Variants in KCNQ1OT1 observed in about 807,000 individuals in gnomAD.
KCNQ1OT1 encodes the protein KCNQ1 antisense RNA 2 (non-protein coding).
exon 1 of KCNQ1OT1, chr11:2,638,552 T>C (rs1849517413): frequency 6.6e-6 from 1 of 152,230 alleles, no homozygotes; most frequent in South Asian, 2.1e-4. Context: ...CCGCCGTTAG[T>C]CTGATGGGTT....
At position 2,661,645 on chromosome 11, in the gene KCNQ1OT1, T is replaced by A. The variant is rs1042222285; in HGVS notation, n.38350A>T. On this transcript the variant is annotated non_coding_transcript_exon_variant, in exon 1 of 1. Coordinates refer to ENST00000597346, the Ensembl canonical transcript of KCNQ1OT1. The surrounding 1 kb of genome is among the most constrained non-coding windows in gnomAD (Gnocchi z 5.9). ...TTTTATTCTTGACCCAAGTGTCAGTTGTGAACATGGGAAGAGGCCCAGAAC... is the reference window on the plus strand; with the variant it reads ...TTTTATTCTTGACCCAAGTGTCAGTAGTGAACATGGGAAGAGGCCCAGAAC... 5 of 594,820 alleles carry A rather than the reference T, an allele frequency of 8.4e-6. No homozygotes were observed. Among genetic ancestry groups the A allele is most frequent in the Admixed American group, 3.0e-5 (1 of 33,820 alleles). 36.8% of individuals were successfully genotyped at this position (594,820 alleles called of 1,614,324 possible).
Position 2,659,613 on chromosome 11 carries a change from G to A in KCNQ1OT1, n.40382C>T. On this transcript the variant is annotated non_coding_transcript_exon_variant, in exon 1 of 1. Transcript: ENST00000597346. The surrounding 1 kb of genome is among the most constrained non-coding windows in gnomAD (Gnocchi z 4.3). ...ACATAAAAATTCAATTCACTTGGGT[G>A]GGAAAGGAACCGATAGGTCATGTGG... 1 of 398,464 alleles carries A rather than the reference G, an allele frequency of 2.5e-6. No individual in the cohort carries two copies. The highest frequency in any genetic ancestry group is 1.3e-4 in the South Asian group (1 of 7,844). The allele number at this position is 398,464 out of a possible 1,614,324, so 24.7% of individuals were successfully genotyped here.
Position 2,668,274 on chromosome 11 carries a change from T to C in KCNQ1OT1, n.31721A>G, listed in dbSNP as rs927999567. 9 of 398,582 alleles carry C rather than the reference T, an allele frequency of 2.3e-5. No homozygotes were observed. Among genetic ancestry groups the C allele is most frequent in the Non-Finnish European group, 4.0e-5 (9 of 226,116 alleles). The allele number at this position is 398,582 out of a possible 1,614,324, so 24.7% of individuals were successfully genotyped here. ...TAGGTTGCTGTTTAAGAATATTCTG[T>C]ACATGCTTTTGGTGAGCATCAGGTT... On this transcript the variant is annotated non_coding_transcript_exon_variant, in exon 1 of 1. Transcript: ENST00000597346. This position sits in a 1 kb window ranked among gnomAD's most constrained non-coding sequence, Gnocchi z 4.3.
rs551338072 is a variant in KCNQ1OT1, at chr11:2,645,046, G to A, written n.54949C>T. ...TTTGGGCCTCCAGGCAACTTGCTCA[G>A]GTGCCAATGATGACAGAGCTGGGCC... is the stretch of plus-strand genomic sequence containing the variant. On this transcript the variant is annotated non_coding_transcript_exon_variant, in exon 1 of 1. Transcript: ENST00000597346. The surrounding 1 kb of genome is among the most constrained non-coding windows in gnomAD (Gnocchi z 5.8). 1 of 398,818 alleles carries A rather than the reference G, an allele frequency of 2.5e-6. No individual in the cohort carries two copies. The highest frequency in any genetic ancestry group is 4.4e-5 in the Admixed American group (1 of 22,746). 24.7% of individuals were successfully genotyped at this position (398,818 alleles called of 1,614,324 possible).
chr11:2,618,470 A>T (rs994107872), exon 1 of KCNQ1OT1: 1 of 398,410 alleles, frequency 2.5e-6, no homozygotes, highest in Admixed American at 4.4e-5. Flanking sequence ...ATCTTTCTGC[A>T]TTGTTTTCTT....
At chr11:2,622,001 C>T (rs1033434392) in exon 1 of KCNQ1OT1, 2 of 398,244 alleles carry the variant, frequency 5.0e-6, no homozygotes, top group East Asian at 7.1e-5. Flanking sequence ...GTAGGCAAGG[C>T]ATTTATTGCT....
Position 2,677,873 on chromosome 11 carries a change from TG to T in KCNQ1OT1, n.22121del, listed in dbSNP as rs1850321486. 1 of 398,422 alleles carries T rather than the reference TG, an allele frequency of 2.5e-6. No homozygotes were observed. 24.7% of individuals were successfully genotyped at this position (398,422 alleles called of 1,614,324 possible). A position where few individuals can be genotyped will look rare whatever the true frequency, so the allele number is the denominator to read the frequency against. ...ATTTACATCACTTTGACTGCACAAA[TG>T]CACTTTCTTCCCCCACCCTTACCAA... On this transcript the variant is annotated non_coding_transcript_exon_variant, in exon 1 of 1. Transcript: ENST00000597346. This position sits in a 1 kb window ranked among gnomAD's most constrained non-coding sequence, Gnocchi z 4.5.
exon 1 of KCNQ1OT1, chr11:2,686,125 G>T (rs976444965): frequency 1.0e-5 from 4 of 398,680 alleles, no homozygotes; most frequent in Non-Finnish European, 1.8e-5. Context: ...CCTTTGCCCT[G>T]TCTCGCCCCC....
At chr11:2,615,877 A>G (rs1300392967) in exon 1 of KCNQ1OT1, 3 of 398,046 alleles carry the variant, frequency 7.5e-6, no homozygotes, top group Non-Finnish European at 8.9e-6. Flanking sequence ...TACTGGCCTC[A>G]TAGAATGTAT....
exon 1 of KCNQ1OT1, chr11:2,648,123 T>C (rs1849695383): frequency 2.6e-6 from 1 of 383,636 alleles, no homozygotes; most frequent in Admixed American, 5.3e-5. Context: ...GAGGATTGCT[T>C]GAGCCCAGGA....
Position 2,617,341 on chromosome 11 carries a change from T to C in KCNQ1OT1, n.82654A>G, listed in dbSNP as rs2133799021. The C allele has an allele frequency of 2.5e-6, 1 of 398,452 alleles. No individual in the cohort carries two copies. Among genetic ancestry groups the C allele is most frequent in the East Asian group, 3.6e-5 (1 of 28,064 alleles). The allele number at this position is 398,452 out of a possible 1,614,324, so 24.7% of individuals were successfully genotyped here. ...GAGATTATTTAAAACTTTTCATTTGTATATGGCTTATTTAACTTAGCACAA... is the reference window on the plus strand; with the variant it reads ...GAGATTATTTAAAACTTTTCATTTGCATATGGCTTATTTAACTTAGCACAA... On this transcript the variant is annotated non_coding_transcript_exon_variant, in exon 1 of 1. Transcript: ENST00000597346. This position sits in a 1 kb window ranked among gnomAD's most constrained non-coding sequence, Gnocchi z 4.6.
chr11:2,667,272 G>A, exon 1 of KCNQ1OT1: 1 of 398,610 alleles, frequency 2.5e-6, no homozygotes, highest in Admixed American at 4.4e-5. Flanking sequence ...GCTGGCCTAG[G>A]GCTGCTGCTA....
exon 1 of KCNQ1OT1, chr11:2,648,242 G>T (rs1027110396): frequency 5.0e-6 from 2 of 398,522 alleles, no homozygotes; most frequent in Non-Finnish European, 8.8e-6. Context: ...TTGATCTTTT[G>T]TCTTTTTTAC....
At chr11:2,680,634 C>T in exon 1 of KCNQ1OT1, 1 of 398,526 alleles carries the variant, frequency 2.5e-6, no homozygotes, top group African/African-American at 2.1e-5. Context: ...ATATTCTGAC[C>T]AGGATATTGC....
chr11:2,609,105 G>C, exon 1 of KCNQ1OT1: 1 of 397,970 alleles, frequency 2.5e-6, no homozygotes, highest in Non-Finnish European at 4.4e-6. Flanking sequence ...CTAGTTTCTT[G>C]AGGTGGAGAG....
In KCNQ1OT1 at chr11:2,626,896, G is replaced by A. The variant is rs988724284; in HGVS notation, n.73099C>T. On this transcript the variant is annotated non_coding_transcript_exon_variant, in exon 1 of 1. Transcript: ENST00000597346. The surrounding 1 kb of genome is among the most constrained non-coding windows in gnomAD (Gnocchi z 4.0). ...GTTCATCATTTTCAAGAATGTTTTAGCTATTCAAGGTCCCTTGAGATTCCA... is the reference window on the plus strand; with the variant it reads ...GTTCATCATTTTCAAGAATGTTTTAACTATTCAAGGTCCCTTGAGATTCCA... The A allele has an allele frequency of 1.8e-5, 7 of 398,398 alleles. No individual in the cohort carries two copies. The highest frequency in any genetic ancestry group is 2.2e-5 in the Non-Finnish European group (5 of 226,046). The allele number at this position is 398,398 out of a possible 1,614,324, so 24.7% of individuals were successfully genotyped here. A position where few individuals can be genotyped will look rare whatever the true frequency, so the allele number is the denominator to read the frequency against.
chr11:2,628,537 T>C (rs1164363201), exon 1 of KCNQ1OT1: 2 of 398,362 alleles, frequency 5.0e-6, no homozygotes, highest in African/African-American at 4.1e-5. Flanking sequence ...ATATATTGGA[T>C]ATTAATAGCT....
rs1850406522 is a variant in KCNQ1OT1, at chr11:2,682,034, C to T, written n.17961G>A. 2.5e-6 allele frequency: 1 copy of T among 398,618 alleles called. No homozygotes were observed. The highest frequency in any genetic ancestry group is 2.1e-5 in the African/African-American group (1 of 48,738). 24.7% of individuals were successfully genotyped at this position (398,618 alleles called of 1,614,324 possible). On this transcript the variant is annotated non_coding_transcript_exon_variant, in exon 1 of 1. Transcript: ENST00000597346. The surrounding 1 kb of genome is among the most constrained non-coding windows in gnomAD (Gnocchi z 5.8). ...AGCTTTTAACACAAGAATATTATCA[C>T]TCCTGTTTTATAGATAATCTCCTAA... is the stretch of plus-strand genomic sequence containing the variant.
chr11:2,697,362 C>T, exon 1 of KCNQ1OT1: 1 of 398,594 alleles, frequency 2.5e-6, no homozygotes, highest in Non-Finnish European at 4.4e-6. Flanking sequence ...CACTTCCTAC[C>T]TGATCCTCAC....
Sources: allele counts gnomAD v4.1 joint callset, GRCh38; gene constraint gnomAD v4.1.1; non-coding constraint Gnocchi (gnomAD v3.1); transcripts MANE v1.5; gene names NCBI Gene and HGNC (gene_info 2026-07-23, HGNC 2026-07-21).